Variants in IL20RB observed in about 807,000 individuals in gnomAD.
The protein encoded by IL20RB is interleukin 20 receptor subunit beta, also known as interleukin-20 receptor subunit beta.
In IL20RB, 21 loss-of-function variants were observed where a neutral mutation model predicts 33.3. The ratio of observed to expected loss-of-function variants is 0.63; its 90% CI spans 0.45 to 0.91. The LOEUF (loss-of-function observed/expected upper bound fraction) is 0.91, where lower values mean the gene tolerates loss of function less well. IL20RB is among the 40% of genes least tolerant of loss of function. The pLI, the probability that IL20RB is intolerant of heterozygous loss-of-function variation, is 0.00. For missense variants in IL20RB, 345 were observed against 384.8 expected, an observed-to-expected ratio of 0.90 and a Z score of 0.86; for synonymous variants, 147 against 146.8, an observed-to-expected ratio of 1.00 and a Z score of -0.01.
chr3:136,983,384 G>A lies in IL20RB; in HGVS notation c.406+1034G>A, dbSNP rs189791013. ...ATTACAGGCATGAGCCATGGCGCCC[G>A]GCCGACCAGGTCTATCTTACAAAGC... On this transcript the variant is annotated intron_variant, in intron 3 of 6. Coordinates refer to ENST00000329582, the MANE Select transcript of IL20RB (RefSeq NM_144717.4). 7.1e-4 allele frequency among the ~76,000 whole-genome samples: 108 copies of A among 152,282 alleles called. 2 individuals carry two copies. The East Asian group carries it at 0.016, about 23-fold the overall frequency.
At chr3:137,008,570 C>T (rs1050625374) in intron 6 of IL20RB, among the ~76,000 whole-genome samples, 3 of 152,128 alleles carry the variant, frequency 2.0e-5, no homozygotes, top group South Asian at 2.1e-4. Context: ...AGTTTTGCAC[C>T]TTCCAAAATT....
At chr3:136,962,284 C>T (rs570856390) in intron 1 of IL20RB, among the ~76,000 whole-genome samples, 2 of 152,258 alleles carry the variant, frequency 1.3e-5, no homozygotes, top group East Asian at 3.9e-4. Flanking sequence ...AGTAGAGACA[C>T]TTTCTTAACC....
At chr3:136,996,789 C>G (rs1334703949) in intron 6 of IL20RB, among the ~76,000 whole-genome samples, 1 of 152,170 alleles carries the variant, frequency 6.6e-6, no homozygotes, top group Non-Finnish European at 1.5e-5. Context: ...AGTTCCCCCT[C>G]CATCCTTCTC....
chr3:136,992,198 T>A, intron 5 of IL20RB, 110 bp downstream of exon 5: 1 of 1,182,280 alleles, frequency 8.5e-7, no homozygotes, highest in Non-Finnish European at 1.2e-6. Context: ...TTGATTTCAC[T>A]GACCTCCCTC....
chr3:136,989,642 C>A (rs767017636), intron 4 of IL20RB, 77 bp downstream of exon 4: 3 of 1,551,302 alleles, frequency 1.9e-6, no homozygotes, highest in Non-Finnish European at 2.7e-6. Flanking sequence ...CAAGGGAAGG[C>A]TGCCCCTGCT....
chr3:136,987,275 C>T (rs1941925545), intron 3 of IL20RB, among the ~76,000 whole-genome samples: 1 of 152,088 alleles, frequency 6.6e-6, no homozygotes, highest in Non-Finnish European at 1.5e-5. Flanking sequence ...CAAAGGTTCT[C>T]CACGTCCCCA....
intron 6 of IL20RB, among the ~76,000 whole-genome samples, chr3:137,006,794 A>G (rs375677492): frequency 1.4e-4 from 22 of 152,350 alleles, no homozygotes; most frequent in African/African-American, 5.3e-4. Context: ...GTCATTCTCC[A>G]TCCAGCTTTA....
At chr3:136,970,240 G>A (rs1436221336) in intron 1 of IL20RB, among the ~76,000 whole-genome samples, 1 of 151,800 alleles carries the variant, frequency 6.6e-6, no homozygotes, top group African/African-American at 2.4e-5. Flanking sequence ...TGTATTAGCT[G>A]AGACCACCAC....
chr3:136,966,079 G>T (rs1181216871), intron 1 of IL20RB, among the ~76,000 whole-genome samples: 1 of 128,486 alleles, frequency 7.8e-6, no homozygotes, highest in African/African-American at 3.2e-5. Flanking sequence ...TTTTTGATGT[G>T]CTGCTGGATT....
At chr3:136,989,352 A>G (rs966909616) in intron 3 of IL20RB, 89 bp from the exon 4 acceptor site, 10 of 1,491,732 alleles carry the variant, frequency 6.7e-6, no homozygotes, top group Middle Eastern at 1.7e-4. Flanking sequence ...GGAGACGGAC[A>G]TATTTCCATA....
rs747760484 is a variant in IL20RB, at chr3:136,980,568, T to C, written c.191T>C (p.Val64Ala). The change falls in exon 2 of 7, where the codon GTG (valine) becomes GCG (alanine). Residue 64 changes from valine (V) to alanine (A), a missense_variant. Val to Ala is a moderately conservative substitution (Grantham distance 64). Transcript: ENST00000329582. ...CCAGTGATCGCGCCTGGAGAAACAG[T>C]GTACTATTCTGTCGAATACCAGGGG... The part of the protein sequence containing the change: ...WSPVIAPGET[V>A]YYSVEYQGEY... 1 of 1,614,176 alleles carries C rather than the reference T, an allele frequency of 6.2e-7. No individual in the cohort carries two copies. The highest frequency in any genetic ancestry group is 2.2e-5 in the East Asian group (1 of 44,884).
chr3:136,987,473 G>A (rs1260464399), intron 3 of IL20RB, among the ~76,000 whole-genome samples: 1 of 152,214 alleles, frequency 6.6e-6, no homozygotes, highest in Non-Finnish European at 1.5e-5. Flanking sequence ...CCCTGAGCTA[G>A]ACATAAAGAT....
At chr3:137,000,012 AT>A (rs1942209535) in intron 6 of IL20RB, among the ~76,000 whole-genome samples, 1 of 151,992 alleles carries the variant, frequency 6.6e-6, no homozygotes. Context: ...ATCGTTTTTT[AT>A]TTGGTGTAGG....
intron 5 of IL20RB, among the ~76,000 whole-genome samples, chr3:136,992,972 A>C (rs983829334): frequency 2.6e-5 from 4 of 152,100 alleles, no homozygotes; most frequent in African/African-American, 9.7e-5. Flanking sequence ...TATCCATAAC[A>C]TTTTTCATGC....
intron 1 of IL20RB, among the ~76,000 whole-genome samples, chr3:136,976,153 A>C (rs361247): frequency 0.99 from 150,135 of 152,310 alleles, 74,018 homozygotes; most frequent in Middle Eastern, 1. Flanking sequence ...AAGGAGTACT[A>C]AGGTGCCCAA....
intron 1 of IL20RB, among the ~76,000 whole-genome samples, chr3:136,970,732 A>C (rs1234832882): frequency 6.6e-6 from 1 of 151,166 alleles, no homozygotes; most frequent in Non-Finnish European, 1.5e-5. Flanking sequence ...AGCTCACTGC[A>C]ACCTCCGCCT....
chr3:136,970,186 G>T (rs1209092080), intron 1 of IL20RB, among the ~76,000 whole-genome samples: 1 of 151,620 alleles, frequency 6.6e-6, no homozygotes, highest in East Asian at 1.9e-4. Flanking sequence ...TCAACCTCCT[G>T]GATTCAGGTG....
chr3:136,991,837 T>C lies in IL20RB; in HGVS notation c.532-101T>C. 8 of 1,219,698 alleles carry C rather than the reference T, an allele frequency of 6.6e-6. No homozygotes were observed. The South Asian group carries it at 1.1e-4, about 17-fold the overall frequency. The allele number at this position is 1,219,698 out of a possible 1,614,324, so 75.6% of individuals were successfully genotyped here. ...GTTGGTCAGGCTGGTCTTGAACTCCTGACCTCAGGTGATCCGCCCGCCTCA... is the reference window on the plus strand; with the variant it reads ...GTTGGTCAGGCTGGTCTTGAACTCCCGACCTCAGGTGATCCGCCCGCCTCA... On this transcript the variant is annotated intron_variant, in intron 4 of 6. Coordinates refer to ENST00000329582, the MANE Select transcript of IL20RB (RefSeq NM_144717.4).
chr3:136,961,387 G>A (rs890189635), intron 1 of IL20RB, among the ~76,000 whole-genome samples: 3 of 151,710 alleles, frequency 2.0e-5, no homozygotes, highest in African/African-American at 7.3e-5. Flanking sequence ...ATGCACATTG[G>A]AATCACCTGG....
Sources: gnomAD v4.1 joint callset for allele counts (sites outside exome capture counted in the v4.1 genomes callset) on GRCh38, gnomAD v4.1.1 for gene constraint, MANE v1.5 for transcripts, NCBI Gene and HGNC (gene_info 2026-07-23, HGNC 2026-07-21) for gene names.